Variants in MEI1 observed in about 807,000 individuals in gnomAD.
The protein encoded by MEI1 is meiotic double-stranded break formation protein 1, also known as meiosis inhibitor protein 1.
Under a neutral mutation model 146.2 loss-of-function variants are expected in MEI1, and 103 were observed. That is an observed-to-expected ratio of 0.70 (90% CI 0.60 to 0.83). The LOEUF is 0.83. Ranked by LOEUF, MEI1 falls within the 40% of genes least tolerant of loss-of-function variation. The pLI is 0.00. For synonymous variants in MEI1, 652 were observed against 628.2 expected, an observed-to-expected ratio of 1.04 and a Z score of -0.57; for missense variants, 1,529 against 1,533.0, an observed-to-expected ratio of 1.00 and a Z score of 0.04.
chr22:41,758,624 A>T, intron 18 of MEI1, 91 bp downstream of exon 18: 1 of 1,333,334 alleles, frequency 7.5e-7, no homozygotes, highest in Non-Finnish European at 1.0e-6. Flanking sequence ...TCCAAGCCTG[A>T]TGCTGGGCAC....
At chr22:41,793,032 C>CTTTTTTTTTTTTT (rs869223251) in intron 26 of MEI1, among the ~76,000 whole-genome samples, 3 of 48,400 alleles carry the variant, frequency 6.2e-5, no homozygotes, top group Non-Finnish European at 1.1e-4. Flanking sequence ...ACAAAGCATT[C>CTTTTTTTTTTTTT]TTTTTTTTTT....
chr22:41,747,711 A>T (rs948940418), intron 14 of MEI1, among the ~76,000 whole-genome samples: 21 of 150,154 alleles, frequency 1.4e-4, no homozygotes, highest in African/African-American at 3.7e-4. Flanking sequence ...CTCAAAGAAT[A>T]AAAAAAACCC....
intron 18 of MEI1, among the ~76,000 whole-genome samples, chr22:41,760,409 T>G (rs2074405739): frequency 6.6e-6 from 1 of 152,124 alleles, no homozygotes. Flanking sequence ...CTGGGGAGGC[T>G]TAGACAGGAG....
chr22:41,699,656 A>ACC lies in MEI1; in HGVS notation c.123_124dup (p.Arg42ProfsTer19). 6.4e-7 allele frequency: 1 copy of ACC among 1,568,646 alleles called. No individual in the cohort carries two copies. Among genetic ancestry groups the ACC allele is most frequent in the Non-Finnish European group, 8.6e-7 (1 of 1,157,832 alleles). ...CGACCCGCGCTGGCTGCTGCCCGTG[A>ACC]CCCCCCGCCTGTGCCTGGCCTGCGC... is the stretch of plus-strand genomic sequence containing the variant. On this transcript the variant is annotated frameshift_variant, in exon 1 of 31. Transcript: ENST00000401548. LOFTEE classifies it high-confidence loss of function.
intron 1 of MEI1, among the ~76,000 whole-genome samples, chr22:41,701,112 T>C (rs1475575781): frequency 6.6e-6 from 1 of 152,040 alleles, no homozygotes; most frequent in East Asian, 1.9e-4. Context: ...GCTAATTTTG[T>C]ATTTTTAGTA....
At chr22:41,760,439 G>C (rs2074408664) in intron 18 of MEI1, among the ~76,000 whole-genome samples, 1 of 152,172 alleles carries the variant, frequency 6.6e-6, no homozygotes, top group Non-Finnish European at 1.5e-5. Flanking sequence ...AACCCGGGAG[G>C]CGGAGGTTGC....
chr22:41,700,162 C>G (rs539272520), intron 1 of MEI1, among the ~76,000 whole-genome samples: 207 of 152,324 alleles, frequency 1.4e-3, no homozygotes, highest in African/African-American at 4.7e-3. Flanking sequence ...TCCTCATTCC[C>G]TTCAGCTGTC....
intron 17 of MEI1, among the ~76,000 whole-genome samples, chr22:41,756,717 A>C (rs1241936222): frequency 1.3e-5 from 2 of 152,178 alleles, no homozygotes; most frequent in South Asian, 2.1e-4. Flanking sequence ...CAGGTGATCC[A>C]CCTGCCTTGG....
chr22:41,776,394 T>C (rs2075438017), intron 21 of MEI1, 127 bp downstream of exon 21: 6 of 1,028,828 alleles, frequency 5.8e-6, no homozygotes, highest in Admixed American at 2.5e-5. Context: ...AGCCAGGCCA[T>C]TGTGGCATCA....
At chr22:41,745,134 G>A (rs2073191866) in intron 13 of MEI1, 70 bp downstream of exon 13, 2 of 1,095,798 alleles carry the variant, frequency 1.8e-6, no homozygotes, top group South Asian at 1.8e-5. Context: ...GACAATGGGT[G>A]AAGTTCTAGA....
intron 1 of MEI1, among the ~76,000 whole-genome samples, chr22:41,702,266 G>A (rs914569138): frequency 4.0e-5 from 6 of 150,908 alleles, no homozygotes; most frequent in Non-Finnish European, 5.9e-5. Flanking sequence ...TCAGCCTTCT[G>A]AGTAGCTGGG....
intron 11 of MEI1, among the ~76,000 whole-genome samples, chr22:41,737,652 C>A (rs918200715): frequency 6.6e-6 from 1 of 152,090 alleles, no homozygotes; most frequent in Non-Finnish European, 1.5e-5. Flanking sequence ...AGCAATTTTT[C>A]TGCCTCAGCC....
At chr22:41,771,041 G>C in intron 20 of MEI1, 80 bp downstream of exon 20, 1 of 1,492,870 alleles carries the variant, frequency 6.7e-7, no homozygotes, top group South Asian at 1.3e-5. Flanking sequence ...GAGGTCAGGA[G>C]GCACCCACAT....
At chr22:41,782,171 C>A (rs1024882623) in intron 24 of MEI1, among the ~76,000 whole-genome samples, 2 of 152,106 alleles carry the variant, frequency 1.3e-5, no homozygotes, top group African/African-American at 4.8e-5. Flanking sequence ...TTGTACTCAG[C>A]AAAGATAGTG....
intron 13 of MEI1, among the ~76,000 whole-genome samples, 158 bp from the exon 14 acceptor site, chr22:41,745,727 C>G (rs1033690116): frequency 6.6e-6 from 1 of 152,032 alleles, no homozygotes; most frequent in Non-Finnish European, 1.5e-5. Context: ...ATCAAGTCCT[C>G]TCCTCATTGT....
intron 22 of MEI1, among the ~76,000 whole-genome samples, chr22:41,780,218 A>C (rs1424758981): frequency 6.6e-6 from 1 of 152,192 alleles, no homozygotes; most frequent in East Asian, 1.9e-4. Flanking sequence ...ATGTAATAGG[A>C]CATTTACATA....
chr22:41,755,370 G>C (rs1289584749), intron 17 of MEI1, among the ~76,000 whole-genome samples: 1 of 152,154 alleles, frequency 6.6e-6, no homozygotes, highest in East Asian at 1.9e-4. Flanking sequence ...ATCATGCTGA[G>C]AGGGAGCAAA....
At chr22:41,719,919 C>T (rs960706166) in intron 6 of MEI1, among the ~76,000 whole-genome samples, 1 of 152,152 alleles carries the variant, frequency 6.6e-6, no homozygotes, top group African/African-American at 2.4e-5. Context: ...GTGACAGCAG[C>T]TTCTTTTCAA....
intron 18 of MEI1, among the ~76,000 whole-genome samples, chr22:41,761,319 G>GT (rs369088821): frequency 1.4e-3 from 174 of 120,928 alleles, no homozygotes; most frequent in Middle Eastern, 8.1e-3. Flanking sequence ...TTTTTTTTTT[G>GT]TTTTTTTTTT....
Sources: allele counts gnomAD v4.1 joint callset (sites outside exome capture counted in the v4.1 genomes callset), GRCh38; gene constraint gnomAD v4.1.1; transcripts MANE v1.5; gene names NCBI Gene and HGNC (gene_info 2026-07-23, HGNC 2026-07-21).